NCKAP5: variants seen among roughly 807,000 people sequenced by gnomAD.
The protein encoded by NCKAP5 is NCK associated protein 5.
Under a neutral mutation model 167.0 loss-of-function variants are expected in NCKAP5, and 92 were observed. The ratio of observed to expected loss-of-function variants is 0.55; its 90% CI spans 0.47 to 0.66. NCKAP5 has a LOEUF of 0.66. Ranked by LOEUF, NCKAP5 falls within the 30% of genes least tolerant of loss-of-function variation. The pLI is 0.00. For synonymous variants in NCKAP5, 891 were observed against 877.4 expected (o/e 1.02, Z -0.27); for missense variants, 2,378 against 2,315.0 (o/e 1.03, Z -0.56).
intron 5 of NCKAP5, among the ~76,000 whole-genome samples, chr2:133,194,025 T>C (rs1180264428): frequency 6.6e-6 from 1 of 152,148 alleles, no homozygotes; most frequent in Admixed American, 6.6e-5. Flanking sequence ...TATGCACAAA[T>C]ATACATTGAT....
At chr2:133,473,934 A>G (rs968685691) in intron 3 of NCKAP5, among the ~76,000 whole-genome samples, 1 of 152,176 alleles carries the variant, frequency 6.6e-6, no homozygotes, top group African/African-American at 2.4e-5. Flanking sequence ...CATTTAAAGT[A>G]CTGTATGATC....
chr2:133,186,810 T>C (rs2150058577), intron 5 of NCKAP5, among the ~76,000 whole-genome samples: 1 of 152,258 alleles, frequency 6.6e-6, no homozygotes, highest in Middle Eastern at 3.4e-3. Context: ...ATCTGTGTCA[T>C]TTCTGATTAC....
chr2:133,648,197 CT>C, the NCKAP5 span, among the ~76,000 whole-genome samples: 1 of 151,828 alleles, frequency 6.6e-6, no homozygotes, highest in South Asian at 2.1e-4. Flanking sequence ...ATCATGTTAT[CT>C]ATTATTATGA....
At chr2:132,679,986 C>T (rs1040123569) in intron 19 of NCKAP5, among the ~76,000 whole-genome samples, 3 of 152,096 alleles carry the variant, frequency 2.0e-5, no homozygotes, top group African/African-American at 7.2e-5. Flanking sequence ...TTAATCACTT[C>T]CTTAATGCCG....
At chr2:133,128,520 T>C (rs1331945946) in intron 6 of NCKAP5, among the ~76,000 whole-genome samples, 1 of 152,134 alleles carries the variant, frequency 6.6e-6, no homozygotes, top group Non-Finnish European at 1.5e-5. Flanking sequence ...ACTGCTAGAA[T>C]TAAATCTAGG....
At position 132,783,712 on chromosome 2, in the gene NCKAP5, A is replaced by G. The variant is rs755989293; in HGVS notation, c.3099T>C (p.Ala1033=). Residue 1033 remains alanine (A), a synonymous_variant, in exon 14 of 20, where the codon GCT becomes GCC. Coordinates refer to ENST00000409261, the MANE Select transcript of NCKAP5 (RefSeq NM_207363.3). The part of the protein sequence containing the change: ...HAPSSSFTVM[A]LGPPKVSPKR... ...TCGGAGAGACCTTTGGAGGCCCCAG[A>G]GCCATTACGGTGAAGGAGCTGGAGG... is the stretch of plus-strand genomic sequence containing the variant. 3.1e-6 allele frequency: 5 copies of G among 1,612,944 alleles called. No homozygotes were observed. The highest frequency in any genetic ancestry group is 1.7e-5 in the Admixed American group (1 of 59,912).
At chr2:133,303,636 A>G (rs141882969) in intron 3 of NCKAP5, among the ~76,000 whole-genome samples, 1 of 150,194 alleles carries the variant, frequency 6.7e-6, no homozygotes, top group Admixed American at 6.6e-5. Context: ...AAAACAGTGT[A>G]TTTGCTTTTT....
Position 133,455,158 on chromosome 2 carries a change from T to C in NCKAP5, c.69+62300A>G, listed in dbSNP as rs113900469. ...AAGAACAGGATATTATTTACAGAGA[T>C]AGTCAAAGATGAAAGGCTCCACAAT... On this transcript the variant is annotated intron_variant, in intron 3 of 19. Transcript: ENST00000409261. Among the ~76,000 whole-genome samples the C allele has an allele frequency of 5.3e-3, 803 of 152,224 alleles. 4 individuals are homozygous for C. Among genetic ancestry groups the C allele is most frequent in the African/African-American group, 0.018 (755 of 41,566 alleles).
chr2:133,076,659 G>A (rs932529319), intron 6 of NCKAP5, among the ~76,000 whole-genome samples: 1 of 152,146 alleles, frequency 6.6e-6, no homozygotes, highest in African/African-American at 2.4e-5. Flanking sequence ...GAACCACCTG[G>A]ATGATAGTGG....
intron 4 of NCKAP5, among the ~76,000 whole-genome samples, chr2:133,288,546 T>G (rs1199329003): frequency 6.6e-6 from 1 of 152,142 alleles, no homozygotes. Context: ...GTTGCTGCTC[T>G]GTTTTTTAAT....
At chr2:133,375,118 C>A (rs1169497632) in intron 3 of NCKAP5, among the ~76,000 whole-genome samples, 2 of 152,210 alleles carry the variant, frequency 1.3e-5, no homozygotes, top group Non-Finnish European at 2.9e-5. Context: ...AAAATGAACT[C>A]TTTCCAGGTT....
At chr2:133,193,346 C>G (rs959777973) in intron 5 of NCKAP5, among the ~76,000 whole-genome samples, 4 of 151,648 alleles carry the variant, frequency 2.6e-5, no homozygotes, top group Non-Finnish European at 5.9e-5. Flanking sequence ...TCAATGTCAA[C>G]TGATACCATG....
At chr2:133,497,143 A>T (rs954920923) in intron 3 of NCKAP5, among the ~76,000 whole-genome samples, 1 of 152,232 alleles carries the variant, frequency 6.6e-6, no homozygotes, top group African/African-American at 2.4e-5. Context: ...AGCTAAAGCA[A>T]TTGCCAATTT....
intron 10 of NCKAP5, among the ~76,000 whole-genome samples, chr2:132,868,423 G>A (rs1690524631): frequency 6.6e-6 from 1 of 152,136 alleles, no homozygotes; most frequent in African/African-American, 2.4e-5. Flanking sequence ...TATTTTATAT[G>A]TACCACAAAC....
At chr2:133,572,381 C>A (rs911547258), upstream of NCKAP5, among the ~76,000 whole-genome samples, 2 of 152,202 alleles carry the variant, frequency 1.3e-5, no homozygotes, top group Non-Finnish European at 2.9e-5. Context: ...TAACCCAGCC[C>A]CTCTGCTTAG....
chr2:132,877,598 ACATTTTTAAAAC>A, intron 9 of NCKAP5, among the ~76,000 whole-genome samples: 1 of 152,294 alleles, frequency 6.6e-6, no homozygotes, highest in East Asian at 1.9e-4. Context: ...TCCAGGGATC[ACATTTTTAAAAC>A]CACTGGTGCA....
At chr2:132,999,385 C>A (rs889889649) in intron 6 of NCKAP5, among the ~76,000 whole-genome samples, 10 of 152,180 alleles carry the variant, frequency 6.6e-5, no homozygotes, top group Non-Finnish European at 1.5e-4. Context: ...TAACTAAATT[C>A]TCTCCCAGTT....
intron 12 of NCKAP5, among the ~76,000 whole-genome samples, chr2:132,790,733 C>T (rs1683999623): frequency 6.6e-6 from 1 of 152,166 alleles, no homozygotes. Flanking sequence ...TATTTACTCT[C>T]TTTCTTCAAA....
chr2:133,212,236 C>T (rs1403336679), intron 5 of NCKAP5, among the ~76,000 whole-genome samples: 2 of 152,166 alleles, frequency 1.3e-5, no homozygotes, highest in Non-Finnish European at 2.9e-5. Flanking sequence ...AAGACTGAAA[C>T]ATTACAGAAT....
Sources: gnomAD v4.1 joint callset for allele counts (sites outside exome capture counted in the v4.1 genomes callset) on GRCh38, gnomAD v4.1.1 for gene constraint, MANE v1.5 for transcripts, NCBI Gene and HGNC (gene_info 2026-07-23, HGNC 2026-07-21) for gene names.